MAST4: variants seen among roughly 807,000 people sequenced by gnomAD.
The protein encoded by MAST4 is microtubule associated serine/threonine kinase family member 4.
Under a neutral mutation model 162.7 loss-of-function variants are expected in MAST4, and 89 were observed. That is an observed-to-expected ratio of 0.55 (90% CI 0.46 to 0.65). The LOEUF is 0.65. Ranked by LOEUF, MAST4 falls within the 30% of genes least tolerant of loss-of-function variation. The probability of loss-of-function intolerance (pLI) is 0.00; values close to 1 mark genes in which losing one functional copy is unlikely to be tolerated. For synonymous variants in MAST4, 1,479 were observed against 1,361.1 expected, an observed-to-expected ratio of 1.09 and a Z score of -1.91; for missense variants, 3,153 against 3,374.0, an observed-to-expected ratio of 0.93 and a Z score of 1.62.
intron 2 of MAST4, among the ~76,000 whole-genome samples, chr5:66,779,939 C>G (rs1160372882): frequency 1.3e-5 from 2 of 152,100 alleles, no homozygotes; most frequent in South Asian, 4.1e-4. Context: ...TTTGCAAAAG[C>G]AAGTGGTGTT....
chr5:66,875,372 C>T (rs1580731773), intron 3 of MAST4, among the ~76,000 whole-genome samples: 1 of 152,236 alleles, frequency 6.6e-6, no homozygotes, highest in African/African-American at 2.4e-5. Context: ...GTTTTTACAT[C>T]AGTCATCCAT....
chr5:67,023,848 A>G (rs886335012), intron 4 of MAST4, among the ~76,000 whole-genome samples: 1 of 151,944 alleles, frequency 6.6e-6, no homozygotes, highest in Non-Finnish European at 1.5e-5. Flanking sequence ...ATTTTGTCCA[A>G]TTACTGCTCC....
chr5:66,686,933 AT>A (rs1748698272), intron 1 of MAST4, among the ~76,000 whole-genome samples: 2 of 152,236 alleles, frequency 1.3e-5, no homozygotes, highest in Admixed American at 6.5e-5. Flanking sequence ...AATTAAAAAA[AT>A]TTATTTCTAG....
chr5:66,829,984 T>A (rs760334443), intron 3 of MAST4, among the ~76,000 whole-genome samples: 6 of 152,186 alleles, frequency 3.9e-5, no homozygotes, highest in Admixed American at 1.3e-4. Context: ...GTGTGGTCAT[T>A]GTTTTTGAAT....
At chr5:67,137,000 T>C (rs1180085095) in intron 19 of MAST4, among the ~76,000 whole-genome samples, 1 of 152,242 alleles carries the variant, frequency 6.6e-6, no homozygotes, top group Non-Finnish European at 1.5e-5. Flanking sequence ...AAAGCATGCA[T>C]CTTAAATAAC....
intron 4 of MAST4, among the ~76,000 whole-genome samples, chr5:66,976,512 G>A (rs1024580090): frequency 6.6e-6 from 1 of 152,254 alleles, no homozygotes; most frequent in Non-Finnish European, 1.5e-5. Flanking sequence ...AATAGAAAGG[G>A]AACTAGCTTG....
rs567149938 is a variant in MAST4 at position 66,996,317 on chromosome 5, C to T, written c.675-58087C>T. ...ATATATATACTTTGTTGATTTCCAT[C>T]GTTTTTATTCGTATATAACCATATA... On this transcript the variant is annotated intron_variant, in intron 4 of 28. Transcript: ENST00000403625. Among the ~76,000 whole-genome samples the T allele has an allele frequency of 1.1e-4, 17 of 152,038 alleles. 1 individual carries two copies. The highest frequency in any genetic ancestry group is 2.7e-4 in the African/African-American group (11 of 41,480).
chr5:66,627,381 A>T (rs1744506208), intron 1 of MAST4, among the ~76,000 whole-genome samples: 1 of 152,200 alleles, frequency 6.6e-6, no homozygotes, highest in Admixed American at 6.5e-5. Flanking sequence ...GCCAAACCAT[A>T]TGAAGGTTTA....
At chr5:67,151,767 CTTTTTTTTTTTT>C (rs1163541260) in intron 24 of MAST4, among the ~76,000 whole-genome samples, 1 of 115,668 alleles carries the variant, frequency 8.6e-6, no homozygotes, top group Non-Finnish European at 1.8e-5. Context: ...TTCTTTTTTT[CTTTTTTTTTTTT>C]TTTTTTGAGA....
chr5:66,746,433 C>T (rs1330686738), intron 1 of MAST4, among the ~76,000 whole-genome samples: 1 of 152,136 alleles, frequency 6.6e-6, no homozygotes, highest in Non-Finnish European at 1.5e-5. Flanking sequence ...TCTCATAGTA[C>T]CTCCTAATGA....
chr5:67,094,270 C>A, intron 6 of MAST4: 1 of 619,900 alleles, frequency 1.6e-6, no homozygotes, highest in East Asian at 3.0e-5. Context: ...GAGGTTACAC[C>A]CATGGCAGCC....
At chr5:67,110,288 C>G in intron 11 of MAST4, 89 bp downstream of exon 11, 2 of 917,346 alleles carry the variant, frequency 2.2e-6, no homozygotes, top group Admixed American at 3.6e-5. Context: ...GTTTCCAGCA[C>G]CAGAGCTAAA....
Position 67,163,486 on chromosome 5 carries a change from C to T in MAST4, c.4307C>T (p.Pro1436Leu). 1 of 1,613,280 alleles carries T rather than the reference C, an allele frequency of 6.2e-7. No homozygotes were observed. Among genetic ancestry groups the T allele is most frequent in the Non-Finnish European group, 8.5e-7 (1 of 1,179,768 alleles). Residue 1436 changes from proline (P) to leucine (L), a missense_variant, in exon 29 of 29, where the codon CCC becomes CTC. Pro to Leu is a moderately conservative substitution (Grantham distance 98). Around this residue, in one of 7 missense-constraint regions of MAST4, gnomAD observed 619 missense variants for 744.2 expected, o/e 0.83. Coordinates refer to ENST00000403625, the MANE Select transcript of MAST4 (RefSeq NM_001164664.2). This position sits in a 1 kb window ranked among gnomAD's most constrained non-coding sequence, Gnocchi z 7.0. The stretch of plus-strand genomic sequence containing the variant: ...GTGAGGCCCAAGAGTGCGGAGCCCC[C>T]CAGGTCCCCGCTGCTCAAGCGCGTG... ...HIVRPKSAEP[P>L]RSPLLKRVQS... is the part of the protein sequence containing the mutation.
rs189171078 is a variant in MAST4, at chr5:67,155,932, C to T, written c.3648+2352C>T. 9.2e-3 allele frequency among the ~76,000 whole-genome samples: 1,391 copies of T among 151,988 alleles called. 16 individuals carry two copies. Among genetic ancestry groups the T allele is most frequent in the African/African-American group, 0.032 (1,314 of 41,460 alleles). On this transcript the variant is annotated intron_variant, in intron 26 of 28. Transcript: ENST00000403625. ...AAAATTAGCTGGGCGTGGTGGTGGG[C>T]GCCTGTAATCCCAGCTACTCAGGAG...
intron 1 of MAST4, among the ~76,000 whole-genome samples, chr5:66,747,951 T>C (rs1752869817): frequency 6.6e-6 from 1 of 152,128 alleles, no homozygotes; most frequent in Admixed American, 6.5e-5. Context: ...GAGGGTAAGG[T>C]GAAATCTGGA....
At chr5:67,103,671 T>C (rs1455426205) in intron 9 of MAST4, among the ~76,000 whole-genome samples, 3 of 152,202 alleles carry the variant, frequency 2.0e-5, no homozygotes, top group Admixed American at 2.0e-4. Context: ...GACTTTTACA[T>C]AGGATGTAGC....
chr5:66,864,859 T>C (rs1334440540), intron 3 of MAST4, among the ~76,000 whole-genome samples: 1 of 152,200 alleles, frequency 6.6e-6, no homozygotes, highest in Non-Finnish European at 1.5e-5. Context: ...CAGTTTATGA[T>C]ACTGTGTTAC....
At chr5:66,640,059 A>T (rs987834018) in intron 1 of MAST4, among the ~76,000 whole-genome samples, 1 of 152,120 alleles carries the variant, frequency 6.6e-6, no homozygotes, top group South Asian at 2.1e-4. Context: ...CAAAACTGCA[A>T]CTTTGTATCC....
At chr5:66,663,468 T>A (rs1275810380) in intron 1 of MAST4, among the ~76,000 whole-genome samples, 1 of 152,176 alleles carries the variant, frequency 6.6e-6, no homozygotes, top group East Asian at 1.9e-4. Context: ...TGAGAAGAGT[T>A]GCTGTCTTTT....
Sources: allele counts gnomAD v4.1 joint callset (sites outside exome capture counted in the v4.1 genomes callset), GRCh38; gene constraint gnomAD v4.1.1; regional missense constraint gnomAD v4.1.1; non-coding constraint Gnocchi (gnomAD v3.1); transcripts MANE v1.5; gene names NCBI Gene and HGNC (gene_info 2026-07-23, HGNC 2026-07-21).